Variants in WDR7 observed in about 807,000 individuals in gnomAD.
WDR7 encodes the protein WD repeat-containing protein 7.
A neutral mutation model predicts 169.4 loss-of-function variants in WDR7; 46 were observed. The ratio of observed to expected loss-of-function variants is 0.27; its 90% CI spans 0.21 to 0.35. The LOEUF (loss-of-function observed/expected upper bound fraction) is 0.35, where lower values mean the gene tolerates loss of function less well. WDR7 is among the 10% of genes least tolerant of loss of function. WDR7 has a pLI of 1.00. For synonymous variants in WDR7, 612 were observed against 666.8 expected, an observed-to-expected ratio of 0.92 and a Z score of 1.27; for missense variants, 1,534 against 1,859.3, an observed-to-expected ratio of 0.83 and a Z score of 3.22.
chr18:57,000,397 TG>T (rs2047959002), intron 26 of WDR7, among the ~76,000 whole-genome samples: 1 of 152,198 alleles, frequency 6.6e-6, no homozygotes, highest in African/African-American at 2.4e-5. Flanking sequence ...ATAAAAATAT[TG>T]ATTTTTTTCT....
At chr18:56,809,734 G>A (rs1410914457) in intron 19 of WDR7, among the ~76,000 whole-genome samples, 3 of 151,890 alleles carry the variant, frequency 2.0e-5, no homozygotes, top group Non-Finnish European at 4.4e-5. Context: ...TTCTGGCATA[G>A]TCTTCAATTC....
intron 21 of WDR7, among the ~76,000 whole-genome samples, chr18:56,899,269 T>C (rs577175103): frequency 6.6e-6 from 1 of 152,140 alleles, no homozygotes; most frequent in East Asian, 1.9e-4. Flanking sequence ...GAATAGAGAG[T>C]ATATTTTTCA....
At chr18:56,942,015 T>C (rs1208650412) in intron 25 of WDR7, among the ~76,000 whole-genome samples, 2 of 152,106 alleles carry the variant, frequency 1.3e-5, no homozygotes, top group South Asian at 4.1e-4. Context: ...TTGTCACTGG[T>C]AGGTGGAGTT....
rs554083233 is a variant in WDR7, at chr18:56,708,503, C to G, written c.1579-9461C>G. Among the ~76,000 whole-genome samples the G allele has an allele frequency of 1.9e-4, 29 of 152,206 alleles. No homozygotes were observed. In the South Asian group the frequency reaches 6.0e-3, roughly 32 times the overall value. On this transcript the variant is annotated intron_variant, in intron 12 of 27. Transcript: ENST00000254442. ...CAGAAAGCTTTTGGGAGTTGTAATA[C>G]CAGGCAGTCTTTTTTCAGAAGGTCT... is the stretch of plus-strand genomic sequence containing the variant.
chr18:56,747,329 G>A (rs1599012102), intron 14 of WDR7, among the ~76,000 whole-genome samples: 2 of 152,086 alleles, frequency 1.3e-5, no homozygotes, highest in East Asian at 1.9e-4. Context: ...TGGTATAATA[G>A]GGTTGTAATG....
chr18:56,805,523 G>T (rs2044758856), intron 19 of WDR7, among the ~76,000 whole-genome samples: 1 of 152,118 alleles, frequency 6.6e-6, no homozygotes, highest in East Asian at 1.9e-4. Context: ...TTGGGATTGT[G>T]TCTTTGGAGA....
rs372248998 is a variant in WDR7 at position 56,744,022 on chromosome 18, C to T, written c.1989+12425C>T. Among the ~76,000 whole-genome samples the T allele has an allele frequency of 1.2e-4, 19 of 152,006 alleles. 1 individual carries two copies. The highest frequency in any genetic ancestry group is 3.4e-3 in the Middle Eastern group (1 of 294). ...ATCCCAGCACTTTGGGAGGCCGAGG[C>T]GGACGGATCACGAGGTCAGGAGATC... On this transcript the variant is annotated intron_variant, in intron 14 of 27. Coordinates refer to ENST00000254442, the MANE Select transcript of WDR7 (RefSeq NM_015285.3).
chr18:56,680,388 C>G (rs1359732536), intron 3 of WDR7, among the ~76,000 whole-genome samples: 1 of 152,068 alleles, frequency 6.6e-6, no homozygotes, highest in East Asian at 1.9e-4. Context: ...AAATTGTTCT[C>G]CCCACTGAAG....
In WDR7 at chr18:57,029,724, T is replaced by G. The variant is rs1371693846; in HGVS notation, c.*2517T>G. 2 of 152,214 alleles carry G rather than the reference T, an allele frequency of 1.3e-5. No individual in the cohort carries two copies. Among genetic ancestry groups the G allele is most frequent in the Non-Finnish European group, 2.9e-5 (2 of 68,042 alleles). The allele number at this position is 152,214 out of a possible 1,614,324, so 9.4% of individuals were successfully genotyped here. A position where few individuals can be genotyped will look rare whatever the true frequency, so the allele number is the denominator to read the frequency against. On this transcript the variant is annotated 3_prime_UTR_variant, in exon 28 of 28. Transcript: ENST00000254442. ...TCCAGACATTTCTTAATGATTCCAC[T>G]TAATAGACTCTATGTGTGCTGAATG...
intron 19 of WDR7, among the ~76,000 whole-genome samples, chr18:56,786,216 C>T (rs1165253944): frequency 6.6e-6 from 1 of 152,072 alleles, no homozygotes; most frequent in African/African-American, 2.4e-5. Flanking sequence ...AACTGAAAAG[C>T]CAGCTCACAG....
Position 56,696,242 on chromosome 18 carries a change from G to GT in WDR7, c.1360dup (p.Trp454LeufsTer28). The GT allele has an allele frequency of 6.3e-7, 1 of 1,598,482 alleles. No individual in the cohort carries two copies. Among genetic ancestry groups the GT allele is most frequent in the Non-Finnish European group, 8.5e-7 (1 of 1,171,608 alleles). The stretch of plus-strand genomic sequence containing the variant: ...TTTAAATCCAAACCCTCATTCACAG[G>GT]TTGGCCACCTCACAGAACACTCCGT... On this transcript the variant is annotated frameshift_variant and splice_region_variant, in exon 12 of 28. Transcript: ENST00000254442. LOFTEE classifies it high-confidence loss of function.
At chr18:56,707,198 G>A (rs1408071847) in intron 12 of WDR7, among the ~76,000 whole-genome samples, 2 of 152,090 alleles carry the variant, frequency 1.3e-5, no homozygotes, top group East Asian at 3.9e-4. Context: ...GGCCAGGATG[G>A]TCTCAAACTC....
intron 5 of WDR7, 141 bp downstream of exon 5, chr18:56,682,994 C>G: frequency 2.2e-6 from 2 of 899,504 alleles, no homozygotes; most frequent in East Asian, 2.7e-5. Flanking sequence ...AATTTATGGT[C>G]TGTTTCTTCC....
chr18:56,702,862 A>G (rs1348286518), intron 12 of WDR7, among the ~76,000 whole-genome samples: 2 of 152,258 alleles, frequency 1.3e-5, no homozygotes, highest in South Asian at 4.1e-4. Context: ...AATATTTACT[A>G]TTTATTTTCC....
intron 26 of WDR7, among the ~76,000 whole-genome samples, chr18:56,990,350 G>C (rs1333060492): frequency 6.6e-6 from 1 of 152,208 alleles, no homozygotes; most frequent in Non-Finnish European, 1.5e-5. Context: ...TGGACCAAAA[G>C]CCCATATGGG....
At chr18:56,770,992 TTTAC>T (rs2044146535) in intron 16 of WDR7, among the ~76,000 whole-genome samples, 1 of 152,174 alleles carries the variant, frequency 6.6e-6, no homozygotes, top group African/African-American at 2.4e-5. Flanking sequence ...ACTAAATATA[TTTAC>T]TTAGTACATA....
chr18:56,867,983 G>T (rs1348455363), intron 20 of WDR7, among the ~76,000 whole-genome samples: 1 of 152,034 alleles, frequency 6.6e-6, no homozygotes, highest in Non-Finnish European at 1.5e-5. Context: ...TATAGTAAAA[G>T]AAATTATGTA....
At chr18:56,749,917 A>G (rs1388194745) in intron 14 of WDR7, among the ~76,000 whole-genome samples, 1 of 150,122 alleles carries the variant, frequency 6.7e-6, no homozygotes, top group African/African-American at 2.5e-5. Context: ...AACATTATAA[A>G]TATATAATAA....
At chr18:56,662,576 G>A (rs1339585656) in intron 1 of WDR7, among the ~76,000 whole-genome samples, 1 of 152,186 alleles carries the variant, frequency 6.6e-6, no homozygotes, top group Non-Finnish European at 1.5e-5. Context: ...TCCTGAGGTG[G>A]TGCAGTGTGA....
Sources: gnomAD v4.1 joint callset for allele counts (sites outside exome capture counted in the v4.1 genomes callset) on GRCh38, gnomAD v4.1.1 for gene constraint, MANE v1.5 for transcripts, NCBI Gene and HGNC (gene_info 2026-07-23, HGNC 2026-07-21) for gene names.